Variants in HTR7 observed in about 807,000 individuals in gnomAD.
HTR7 encodes 5-hydroxytryptamine receptor 7, also known as 5-HT-7.
HTR7 carries 16 observed loss-of-function variants against 34.0 expected under a neutral mutation model. The observed-to-expected ratio is 0.47, with a 90% confidence interval of 0.32 to 0.71. The LOEUF (loss-of-function observed/expected upper bound fraction) is 0.71, where lower values mean the gene tolerates loss of function less well. HTR7 is among the 30% of genes least tolerant of loss of function. The pLI, the probability that HTR7 is intolerant of heterozygous loss-of-function variation, is 0.04. For missense variants in HTR7, 504 were observed against 625.5 expected (o/e 0.81, Z 2.07); for synonymous variants, 265 against 260.2 (o/e 1.02, Z -0.18).
At chr10:90,810,248 A>C (rs1845783477) in intron 1 of HTR7, among the ~76,000 whole-genome samples, 2 of 151,802 alleles carry the variant, frequency 1.3e-5, no homozygotes, top group Admixed American at 1.3e-4. Flanking sequence ...GCCACATCTC[A>C]TTGCCACCTT....
chr10:90,840,583 A>G (rs970282819), intron 1 of HTR7, among the ~76,000 whole-genome samples: 6 of 152,168 alleles, frequency 3.9e-5, no homozygotes, highest in African/African-American at 1.4e-4. Context: ...AACTCCTTCA[A>G]CTTTTAAGAA....
intron 1 of HTR7, among the ~76,000 whole-genome samples, chr10:90,833,807 T>C (rs1195434593): frequency 6.6e-6 from 1 of 152,168 alleles, no homozygotes; most frequent in African/African-American, 2.4e-5. Flanking sequence ...ATTTTGAAAA[T>C]ATGAAACTTA....
intron 1 of HTR7, among the ~76,000 whole-genome samples, chr10:90,829,252 A>C (rs1846128231): frequency 1.3e-5 from 2 of 152,324 alleles, no homozygotes; most frequent in South Asian, 4.1e-4. Context: ...ACATACCTAA[A>C]TAATAAAAAC....
chr10:90,756,970 T>C (rs1844841566), intron 1 of HTR7, among the ~76,000 whole-genome samples: 2 of 152,222 alleles, frequency 1.3e-5, no homozygotes, highest in South Asian at 4.1e-4. Context: ...TGTTAATTAC[T>C]TCAGTTGTAT....
At chr10:90,771,277 C>T (rs1043401759) in intron 1 of HTR7, among the ~76,000 whole-genome samples, 1 of 152,246 alleles carries the variant, frequency 6.6e-6, no homozygotes, top group African/African-American at 2.4e-5. Context: ...TCCTCTTCGT[C>T]TTGCTCACCC....
chr10:90,839,749 G>C (rs557995475), intron 1 of HTR7, among the ~76,000 whole-genome samples: 7 of 152,252 alleles, frequency 4.6e-5, no homozygotes, highest in Admixed American at 1.3e-4. Context: ...GCACAAAAAG[G>C]CTGTTGGAAA....
chr10:90,772,492 G>C (rs368019901), intron 1 of HTR7, among the ~76,000 whole-genome samples: 1 of 152,166 alleles, frequency 6.6e-6, no homozygotes, highest in East Asian at 1.9e-4. Context: ...TTCAAAGGAT[G>C]CTGCTATTTA....
At position 90,857,220 on chromosome 10, in the gene HTR7, C is replaced by A; in HGVS notation, c.452G>T (p.Gly151Val). 1 of 1,614,096 alleles carries A rather than the reference C, an allele frequency of 6.2e-7. No homozygotes were observed. Among genetic ancestry groups the A allele is most frequent in the Non-Finnish European group, 8.5e-7 (1 of 1,180,020 alleles). Residue 151 changes from glycine (G) to valine (V), a missense_variant, in exon 1 of 4, where the codon GGA becomes GTA. Gly to Val is a moderately radical substitution (Grantham distance 109). This residue lies in a region of HTR7 where 154 missense variants were observed against 248.8 expected (regional missense o/e 0.62). Transcript: ENST00000336152. The surrounding 1 kb of genome is among the most constrained non-coding windows in gnomAD (Gnocchi z 6.5). ...GATGAAGACATTACAGAAAAAGTGT[C>A]CAAAGATCCACTTGCCCCCGATGAG... ...TDLIGGKWIF[G>V]HFFCNVFIAM...
At chr10:90,747,847 CCT>C (rs1421460930) in intron 2 of HTR7, among the ~76,000 whole-genome samples, 1 of 152,154 alleles carries the variant, frequency 6.6e-6, no homozygotes, top group African/African-American at 2.4e-5. Flanking sequence ...TTATTTTTCC[CCT>C]GACTTTCAAA....
chr10:90,814,027 C>T (rs542794718), intron 1 of HTR7, among the ~76,000 whole-genome samples: 12 of 152,328 alleles, frequency 7.9e-5, no homozygotes, highest in Admixed American at 7.8e-4. Flanking sequence ...GAGCTGTTCT[C>T]CTTTCTCTTT....
At chr10:90,748,252 A>G (rs1357712556) in intron 2 of HTR7, among the ~76,000 whole-genome samples, 3 of 152,114 alleles carry the variant, frequency 2.0e-5, no homozygotes, top group Non-Finnish European at 4.4e-5. Context: ...CTCCTGCCTC[A>G]GCCTCCCAAG....
chr10:90,792,144 C>T lies in HTR7; in HGVS notation c.540-42550G>A, dbSNP rs573475350. 2.0e-5 allele frequency among the ~76,000 whole-genome samples: 3 copies of T among 152,200 alleles called. No homozygotes were observed. In the South Asian group the frequency reaches 6.2e-4, roughly 32 times the overall value. On this transcript the variant is annotated intron_variant, in intron 1 of 3. Transcript: ENST00000336152. ...AGTTCATTATACAATCTCTGAATGA[C>T]AAAAACATAATTATGAATCCATGAA... is the stretch of plus-strand genomic sequence containing the variant.
At chr10:90,764,040 T>G (rs1844979845) in intron 1 of HTR7, among the ~76,000 whole-genome samples, 1 of 152,228 alleles carries the variant, frequency 6.6e-6, no homozygotes, top group Admixed American at 6.5e-5. Context: ...CCACACTGTC[T>G]TCCACAATGG....
Position 90,752,742 on chromosome 10 carries a change from A to T in HTR7, c.540-3148T>A, listed in dbSNP as rs144904387. ...AATTCAATATAAAAGGAGTCACTTTAAATCACTAGTAAAAAATTGGATATT... is the reference window on the plus strand; with the variant it reads ...AATTCAATATAAAAGGAGTCACTTTTAATCACTAGTAAAAAATTGGATATT... On this transcript the variant is annotated intron_variant, in intron 1 of 3. Coordinates refer to ENST00000336152, the MANE Select transcript of HTR7 (RefSeq NM_019859.4). 5.0e-3 allele frequency among the ~76,000 whole-genome samples: 762 copies of T among 152,318 alleles called. 3 individuals are homozygous for T. Among genetic ancestry groups the T allele is most frequent in the Non-Finnish European group, 8.2e-3 (559 of 68,012 alleles).
chr10:90,821,153 C>CACACACA (rs780768970), intron 1 of HTR7, among the ~76,000 whole-genome samples: 9 of 151,796 alleles, frequency 5.9e-5, no homozygotes, highest in Admixed American at 2.6e-4. Context: ...CACACACACA[C>CACACACA]AAGCACCTTC....
intron 1 of HTR7, among the ~76,000 whole-genome samples, chr10:90,779,875 C>G (rs887238143): frequency 3.3e-5 from 5 of 152,190 alleles, no homozygotes; most frequent in African/African-American, 1.2e-4. Flanking sequence ...TACCTCCATA[C>G]TTTAGGGTAG....
At chr10:90,849,858 C>T (rs114857981) in intron 1 of HTR7, among the ~76,000 whole-genome samples, 106 of 152,264 alleles carry the variant, frequency 7.0e-4, no homozygotes, top group African/African-American at 2.5e-3. Context: ...CTATGATGCC[C>T]GAAAGCATCA....
Position 90,857,529 on chromosome 10 carries a change from A to G in HTR7, c.143T>C (p.Leu48Pro). The G allele has an allele frequency of 3.7e-6, 6 of 1,608,028 alleles. No individual in the cohort carries two copies. The highest frequency in any genetic ancestry group is 2.2e-5 in the East Asian group (1 of 44,720). ...CGGGCTGGCTGTCACCTCGCTCAGC[A>G]GGTGCGGCGCCCAGGAGCCCGCGAC... ...DPVAGSWAPH[L>P]LSEVTASPAP... is the part of the protein sequence containing the mutation. Residue 48 changes from leucine (L) to proline (P), a missense_variant, in exon 1 of 4, where the codon CTG becomes CCG. Leu to Pro is a moderately conservative substitution (Grantham distance 98, BLOSUM62 -3). Around this residue, in one of 4 missense-constraint regions of HTR7, gnomAD observed 139 missense variants for 117.1 expected, o/e 1.19. Transcript: ENST00000336152. This position sits in a 1 kb window ranked among gnomAD's most constrained non-coding sequence, Gnocchi z 6.5.
At chr10:90,820,001 T>G (rs540394869) in intron 1 of HTR7, among the ~76,000 whole-genome samples, 1 of 152,224 alleles carries the variant, frequency 6.6e-6, no homozygotes, top group Non-Finnish European at 1.5e-5. Flanking sequence ...AAATTTGCAT[T>G]TTATTAATCA....
Sources: allele counts gnomAD v4.1 joint callset (sites outside exome capture counted in the v4.1 genomes callset), GRCh38; gene constraint gnomAD v4.1.1; regional missense constraint gnomAD v4.1.1; non-coding constraint Gnocchi (gnomAD v3.1); transcripts MANE v1.5; gene names NCBI Gene and HGNC (gene_info 2026-07-23, HGNC 2026-07-21).